The following ENTPD1 variants were observed in gnomAD, a reference collection of about 807,000 sequenced individuals.
ENTPD1 encodes ATP diphosphohydrolase.
A neutral mutation model predicts 57.0 loss-of-function variants in ENTPD1; 33 were observed. The ratio of observed to expected loss-of-function variants is 0.58; its 90% CI spans 0.44 to 0.77. ENTPD1 has a LOEUF of 0.77. ENTPD1 is among the 30% of genes least tolerant of loss of function. The probability of loss-of-function intolerance (pLI) is 0.00; values close to 1 mark genes in which losing one functional copy is unlikely to be tolerated. For synonymous variants in ENTPD1, 202 were observed against 218.8 expected, an observed-to-expected ratio of 0.92 and a Z score of 0.68; for missense variants, 501 against 603.4, an observed-to-expected ratio of 0.83 and a Z score of 1.78.
At chr10:95,731,358 A>G (rs2097988805) in intron 1 of ENTPD1, among the ~76,000 whole-genome samples, 1 of 152,164 alleles carries the variant, frequency 6.6e-6, no homozygotes, top group South Asian at 2.1e-4. Flanking sequence ...CTGCTGGGCC[A>G]TGGATGAGTA....
chr10:95,782,544 T>C (rs570739992), intron 1 of ENTPD1, among the ~76,000 whole-genome samples: 5 of 152,288 alleles, frequency 3.3e-5, no homozygotes, highest in East Asian at 1.9e-4. Context: ...AGCTAAAATA[T>C]TTTCAGAGCC....
intron 2 of ENTPD1, among the ~76,000 whole-genome samples, chr10:95,826,256 C>T (rs181501677): frequency 6.6e-6 from 1 of 152,094 alleles, no homozygotes; most frequent in East Asian, 1.9e-4. Flanking sequence ...TGGAAGTTAG[C>T]TGGGAAAGAC....
upstream of ENTPD1, chr10:95,755,814 C>T: frequency 1.3e-6 from 2 of 1,514,232 alleles, no homozygotes; most frequent in South Asian, 1.2e-5. Context: ...TAAGGAATAG[C>T]TTTTTTTGCT....
At chr10:95,832,864 G>C (rs758222365) in intron 2 of ENTPD1, among the ~76,000 whole-genome samples, 2 of 152,182 alleles carry the variant, frequency 1.3e-5, no homozygotes, top group Non-Finnish European at 2.9e-5. Context: ...TTGTCAGAGC[G>C]ATGAGCACAT....
intron 2 of ENTPD1, among the ~76,000 whole-genome samples, chr10:95,828,808 T>A (rs1487970826): frequency 6.6e-6 from 1 of 151,654 alleles, no homozygotes; most frequent in Admixed American, 6.6e-5. Context: ...CCTCCCAGGT[T>A]CAAGCAATTC....
chr10:95,847,682 G>C lies in ENTPD1; in HGVS notation c.1050G>C (p.Leu350Phe), dbSNP rs1004293638. Residue 350 changes from leucine to phenylalanine, a missense_variant, in exon 7 of 10, where the codon TTG (leucine) becomes TTC (phenylalanine). Physicochemically the swap from Leu to Phe is conservative, Grantham distance 22. Coordinates refer to ENST00000371205, the MANE Select transcript of ENTPD1 (RefSeq NM_001776.6). ...YSQCAFNGIF[L>F]PPLQGDFGAF... is the part of the protein sequence containing the mutation. ...AGTGTGCCTTCAATGGGATTTTCTT[G>C]CCACCACTCCAGGGGGATTTTGGGG... 13 of 1,614,164 alleles carry C rather than the reference G, an allele frequency of 8.1e-6. No individual in the cohort carries two copies. The highest frequency in any genetic ancestry group is 1.1e-5 in the Non-Finnish European group (13 of 1,180,022).
At chr10:95,713,593 G>A (rs1012820431) in intron 1 of ENTPD1, among the ~76,000 whole-genome samples, 1 of 152,204 alleles carries the variant, frequency 6.6e-6, no homozygotes, top group Non-Finnish European at 1.5e-5. Flanking sequence ...TGTGGCCTGG[G>A]TTTGATTCCT....
intron 1 of ENTPD1, among the ~76,000 whole-genome samples, chr10:95,788,876 G>T (rs1032284195): frequency 6.6e-6 from 1 of 152,256 alleles, no homozygotes; most frequent in Admixed American, 6.5e-5. Context: ...CCGAGGATTT[G>T]TACAATAGAG....
At chr10:95,729,770 A>G (rs889779784) in intron 1 of ENTPD1, among the ~76,000 whole-genome samples, 2 of 152,188 alleles carry the variant, frequency 1.3e-5, no homozygotes, top group Non-Finnish European at 2.9e-5. Flanking sequence ...TTTAAAAACA[A>G]TCTCCCTTCC....
At chr10:95,754,631 A>G (rs767661733), upstream of ENTPD1, 2 of 152,190 alleles carry the variant, frequency 1.3e-5, no homozygotes, top group Non-Finnish European at 2.9e-5. Flanking sequence ...ATCACCAAAA[A>G]CCAGTTTTAT....
chr10:95,837,088 A>T (rs909070148), intron 2 of ENTPD1, among the ~76,000 whole-genome samples: 1 of 152,248 alleles, frequency 6.6e-6, no homozygotes, highest in African/African-American at 2.4e-5. Context: ...GAAACGTAGT[A>T]AAAGTTTTTG....
upstream of ENTPD1, chr10:95,755,985 GGAAAAGGCTTC>G: frequency 4.1e-6 from 6 of 1,465,080 alleles, no homozygotes; most frequent in Non-Finnish European, 5.4e-6. Context: ...ATTACAACCT[GGAAAAGGCTTC>G]GAGTAACTTT....
Position 95,756,198 on chromosome 10 carries a change from G to C in ENTPD1, c.-42G>C, listed in dbSNP as rs558491717. 1.3e-4 allele frequency: 209 copies of C among 1,581,510 alleles called. No homozygotes were observed. In the Middle Eastern group the frequency reaches 2.0e-3, roughly 15 times the overall value. On this transcript the variant is annotated 5_prime_UTR_variant, in exon 1 of 10. Transcript: ENST00000371205. The stretch of plus-strand genomic sequence containing the variant: ...ACCACAGCAAGCAGAGGCTGGGGGG[G>C]GGAAAGACGAGGAAAGAGGAGGAAA...
chr10:95,810,586 T>C lies in ENTPD1; in HGVS notation c.17-12651T>C, dbSNP rs2098301987. On this transcript the variant is annotated intron_variant, in intron 1 of 9. Coordinates refer to ENST00000371205, the MANE Select transcript of ENTPD1 (RefSeq NM_001776.6). ...GTTTAGTTGCCTTTTTTATTCTATG[T>C]AGATGACCCCATCCCCACCATATTC... is the stretch of plus-strand genomic sequence containing the variant. Among the ~76,000 whole-genome samples the C allele has an allele frequency of 2.6e-5, 4 of 152,230 alleles. No homozygotes were observed. In the South Asian group the frequency reaches 6.2e-4, roughly 24 times the overall value.
intron 1 of ENTPD1, among the ~76,000 whole-genome samples, chr10:95,786,503 G>A (rs1224538572): frequency 6.6e-6 from 1 of 152,140 alleles, no homozygotes; most frequent in Middle Eastern, 3.2e-3. Context: ...CTTTGCCTGA[G>A]AAAGCGAACC....
chr10:95,803,099 CA>C (rs1446877843), intron 1 of ENTPD1, among the ~76,000 whole-genome samples: 2 of 152,150 alleles, frequency 1.3e-5, no homozygotes, highest in African/African-American at 4.8e-5. Context: ...TGAAGAATCT[CA>C]ATGGTAGCTT....
At chr10:95,758,570 A>AC (rs1395327050) in intron 1 of ENTPD1, among the ~76,000 whole-genome samples, 2 of 152,274 alleles carry the variant, frequency 1.3e-5, no homozygotes, top group Admixed American at 1.3e-4. Flanking sequence ...CACTCATCAT[A>AC]CTTGTCCATG....
intron 1 of ENTPD1, among the ~76,000 whole-genome samples, chr10:95,787,644 C>T (rs987232505): frequency 6.6e-6 from 1 of 151,994 alleles, no homozygotes; most frequent in Non-Finnish European, 1.5e-5. Flanking sequence ...GGGACAGAAG[C>T]AATGTAGACT....
At chr10:95,787,750 T>C (rs1420396408) in intron 1 of ENTPD1, among the ~76,000 whole-genome samples, 1 of 152,194 alleles carries the variant, frequency 6.6e-6, no homozygotes, top group Non-Finnish European at 1.5e-5. Context: ...GCTTAACCTA[T>C]ATTATTTGCA....
Sources: gnomAD v4.1 joint callset for allele counts (sites outside exome capture counted in the v4.1 genomes callset) on GRCh38, gnomAD v4.1.1 for gene constraint, MANE v1.5 for transcripts, NCBI Gene and HGNC (gene_info 2026-07-23, HGNC 2026-07-21) for gene names.